Variants in FMN1 observed in about 807,000 individuals in gnomAD.
FMN1 encodes formin-1.
A neutral mutation model predicts 132.4 loss-of-function variants in FMN1; 110 were observed. The ratio of observed to expected loss-of-function variants is 0.83; its 90% CI spans 0.71 to 0.97. FMN1 has a LOEUF of 0.97. Ranked by LOEUF, FMN1 falls within the 50% of genes least tolerant of loss-of-function variation. The pLI is 0.00. For synonymous variants in FMN1, 722 were observed against 651.7 expected (o/e 1.11, Z -1.64); for missense variants, 1,792 against 1,705.3 (o/e 1.05, Z -0.90).
intron 6 of FMN1, among the ~76,000 whole-genome samples, chr15:33,033,714 TACA>T (rs2036057372): frequency 6.6e-6 from 1 of 151,838 alleles, no homozygotes. Flanking sequence ...CAAAGTCACC[TACA>T]TACTGTCTCC....
chr15:33,037,009 A>G (rs1464614190), intron 6 of FMN1, among the ~76,000 whole-genome samples: 1 of 152,222 alleles, frequency 6.6e-6, no homozygotes, highest in Non-Finnish European at 1.5e-5. Flanking sequence ...ATTCTGCTAT[A>G]TTTCCTTTTG....
chr15:32,969,397 A>T lies in FMN1; in HGVS notation c.2304T>A (p.Asn768Lys). 6.2e-7 allele frequency: 1 copy of T among 1,613,796 alleles called. No homozygotes were observed. The highest frequency in any genetic ancestry group is 8.5e-7 in the Non-Finnish European group (1 of 1,179,854). Residue 768 changes from asparagine (N) to lysine (K), a missense_variant, in exon 8 of 21, where the codon AAT (asparagine) becomes AAA (lysine). Physicochemically the swap from Asn to Lys is moderately conservative, Grantham distance 94. Around this residue, in one of 3 missense-constraint regions of FMN1, gnomAD observed 1,150 missense variants for 1,043.1 expected, o/e 1.10. Coordinates refer to ENST00000616417, the MANE Select transcript of FMN1 (RefSeq NM_001277313.2). Reference sequence around the variant, plus strand: ...ATCTGTGTTCTAGCTCGTGTTTCAGATTTTCAATGGTTTCTTCTAGTCTCG... The same window carrying T: ...ATCTGTGTTCTAGCTCGTGTTTCAGTTTTTCAATGGTTTCTTCTAGTCTCG... Reference protein sequence around the residue: ...ITARLEETIENLKHELEHRWR... With the variant: ...ITARLEETIEKLKHELEHRWR...
intron 16 of FMN1, among the ~76,000 whole-genome samples, chr15:32,883,601 C>G (rs895907774): frequency 2.0e-5 from 3 of 150,606 alleles, no homozygotes; most frequent in African/African-American, 7.3e-5. Flanking sequence ...GTCAGACCTG[C>G]CCTCCCCTAC....
chr15:32,916,724 C>A (rs1445066163), intron 10 of FMN1, among the ~76,000 whole-genome samples: 1 of 152,126 alleles, frequency 6.6e-6, no homozygotes, highest in Non-Finnish European at 1.5e-5. Flanking sequence ...TCTGGTCCAG[C>A]CCAGGAAAGC....
chr15:32,797,587 C>T (rs1273406530), intron 19 of FMN1, among the ~76,000 whole-genome samples: 1 of 152,066 alleles, frequency 6.6e-6, no homozygotes, highest in Non-Finnish European at 1.5e-5. Context: ...ATTTTCTCAA[C>T]AATGGTACTT....
At chr15:32,900,401 A>G in intron 13 of FMN1, 1 of 578,750 alleles carries the variant, frequency 1.7e-6, no homozygotes, top group Middle Eastern at 3.8e-4. Context: ...CATTTGAGCC[A>G]GTTTAATTTT....
intron 9 of FMN1, among the ~76,000 whole-genome samples, chr15:32,960,453 A>G (rs190959067): frequency 3.3e-5 from 5 of 152,286 alleles, no homozygotes; most frequent in Admixed American, 1.3e-4. Context: ...TCCATGCAAT[A>G]TAGCCTTTTA....
rs200616194 is a variant in FMN1, at chr15:32,969,148, A to T, written c.2553T>A (p.His851Gln). ...TGCCCTCCATTGGCTGGAGTGCTGC[A>T]TGGATGTCTTTGTGGTCATTTGGGG... ...LSPPNDHKDI[H>Q]AALQPMEGMA... is the part of the protein sequence containing the mutation. The change falls in exon 8 of 21, where the codon CAT (histidine) becomes CAA (glutamine). Residue 851 changes from histidine to glutamine, a missense_variant. Physicochemically the swap from His to Gln is conservative, Grantham distance 24. This residue lies in a region of FMN1 where 1,150 missense variants were observed against 1,043.1 expected (regional missense o/e 1.10). Coordinates refer to ENST00000616417, the MANE Select transcript of FMN1 (RefSeq NM_001277313.2). 5 of 1,613,872 alleles carry T rather than the reference A, an allele frequency of 3.1e-6. No individual in the cohort carries two copies. The highest frequency in any genetic ancestry group is 1.7e-5 in the Admixed American group (1 of 60,016).
intron 7 of FMN1, among the ~76,000 whole-genome samples, chr15:33,001,103 C>A (rs2034076104): frequency 6.6e-6 from 1 of 152,132 alleles, no homozygotes; most frequent in Non-Finnish European, 1.5e-5. Flanking sequence ...GCCAACATGG[C>A]CAAACCCTGT....
chr15:32,913,310 C>G (rs1259204826), intron 10 of FMN1, among the ~76,000 whole-genome samples: 1 of 152,192 alleles, frequency 6.6e-6, no homozygotes, highest in Non-Finnish European at 1.5e-5. Context: ...ATCCATCCTT[C>G]ATTGTACCAA....
At position 33,048,013 on chromosome 15, in the gene FMN1, G is replaced by C. The variant is rs73376646; in HGVS notation, c.2161+16944C>G. Among the ~76,000 whole-genome samples, 565 of 152,252 alleles carry C rather than the reference G, an allele frequency of 3.7e-3. 2 individuals carry two copies. The highest frequency in any genetic ancestry group is 0.013 in the African/African-American group (548 of 41,542). On this transcript the variant is annotated intron_variant, in intron 6 of 20. Coordinates refer to ENST00000616417, the MANE Select transcript of FMN1 (RefSeq NM_001277313.2). ...CTAATTTGCTTAAAGAAAAATAAGTGCTTAAATCAAATATTTTGAAAAAAT... is the reference window on the plus strand; with the variant it reads ...CTAATTTGCTTAAAGAAAAATAAGTCCTTAAATCAAATATTTTGAAAAAAT...
intron 19 of FMN1, among the ~76,000 whole-genome samples, chr15:32,785,459 C>G (rs537747799): frequency 5.7e-4 from 87 of 151,800 alleles, no homozygotes; most frequent in African/African-American, 2.0e-3. Flanking sequence ...GGTTTACACT[C>G]TAACCTATGG....
chr15:32,908,360 G>C (rs1567370905), intron 12 of FMN1, 130 bp downstream of exon 12: 1 of 640,052 alleles, frequency 1.6e-6, no homozygotes, highest in African/African-American at 1.8e-5. Flanking sequence ...CATGCAACAG[G>C]TCACAGGAAT....
chr15:32,770,392 TTC>T lies in FMN1; in HGVS notation c.*3916_*3917del, dbSNP rs956191240. The T allele has an allele frequency of 5.7e-4, 60 of 105,710 alleles. No individual in the cohort carries two copies. Among genetic ancestry groups the T allele is most frequent in the African/African-American group, 1.6e-3 (56 of 34,382 alleles). The allele number at this position is 105,710 out of a possible 1,614,324, so 6.5% of individuals were successfully genotyped here. The stretch of plus-strand genomic sequence containing the variant: ...GGAAGAGTATCATTAAAATGAAAAT[TTC>T]TCTGTTGCAAACATCATAGAGAAAA... On this transcript the variant is annotated 3_prime_UTR_variant, in exon 21 of 21. Coordinates refer to ENST00000616417, the MANE Select transcript of FMN1 (RefSeq NM_001277313.2).
chr15:32,831,284 T>A (rs866784976), intron 17 of FMN1, among the ~76,000 whole-genome samples: 5 of 152,082 alleles, frequency 3.3e-5, no homozygotes, highest in Admixed American at 2.0e-4. Flanking sequence ...AGTGGTATGA[T>A]CTCGGCTACT....
chr15:33,064,871 C>G, intron 6 of FMN1, 86 bp downstream of exon 6: 1 of 922,542 alleles, frequency 1.1e-6, no homozygotes, highest in Non-Finnish European at 1.7e-6. Flanking sequence ...AATAAAACCC[C>G]AAATTCTGAG....
At chr15:33,062,484 T>C (rs1276436680) in intron 6 of FMN1, among the ~76,000 whole-genome samples, 1 of 151,928 alleles carries the variant, frequency 6.6e-6, no homozygotes, top group African/African-American at 2.4e-5. Context: ...TAGTCGGGCA[T>C]GGTGGCGGGC....
chr15:33,150,487 T>C, intron 4 of FMN1: 6 of 985,476 alleles, frequency 6.1e-6, no homozygotes, highest in Non-Finnish European at 7.2e-6. Context: ...CCATGCATCA[T>C]CCTTGAAATG....
At chr15:33,080,142 C>T (rs138991254) in intron 5 of FMN1, among the ~76,000 whole-genome samples, 84 of 152,330 alleles carry the variant, frequency 5.5e-4, no homozygotes, top group African/African-American at 1.9e-3. Context: ...TTTGGTTAAG[C>T]CATTCCTATG....
Sources: allele counts gnomAD v4.1 joint callset (sites outside exome capture counted in the v4.1 genomes callset), GRCh38; gene constraint gnomAD v4.1.1; regional missense constraint gnomAD v4.1.1; transcripts MANE v1.5; gene names NCBI Gene and HGNC (gene_info 2026-07-23, HGNC 2026-07-21).